The following ZFPM2 variants were observed in gnomAD, a reference collection of about 807,000 sequenced individuals.
ZFPM2 encodes the protein zinc finger protein ZFPM2.
ZFPM2 carries 20 observed loss-of-function variants against 98.6 expected under a neutral mutation model. That is an observed-to-expected ratio of 0.20 (90% CI 0.14 to 0.29). ZFPM2 has a LOEUF of 0.29. ZFPM2 is among the 10% of genes least tolerant of loss of function. The pLI is 1.00. For synonymous variants in ZFPM2, 518 were observed against 502.7 expected (o/e 1.03, Z -0.41); for missense variants, 1,310 against 1,388.6 (o/e 0.94, Z 0.90).
At chr8:105,394,255 G>T (rs1462456146) in intron 1 of ZFPM2, among the ~76,000 whole-genome samples, 1 of 152,146 alleles carries the variant, frequency 6.6e-6, no homozygotes, top group Non-Finnish European at 1.5e-5. Context: ...GGGGAGTTTG[G>T]ATGGGAGCAA....
chr8:105,589,296 G>A (rs1813005258), intron 4 of ZFPM2, among the ~76,000 whole-genome samples: 1 of 152,134 alleles, frequency 6.6e-6, no homozygotes, highest in African/African-American at 2.4e-5. Flanking sequence ...TTTTATCATA[G>A]ATCATCCAGA....
chr8:105,676,774 TAA>T (rs978085064), intron 5 of ZFPM2, among the ~76,000 whole-genome samples: 2 of 152,070 alleles, frequency 1.3e-5, no homozygotes, highest in Non-Finnish European at 2.9e-5. Flanking sequence ...CACTATGAAG[TAA>T]ATGTCTTAGT....
intron 1 of ZFPM2, among the ~76,000 whole-genome samples, chr8:105,416,326 T>A (rs1811679060): frequency 6.6e-6 from 1 of 151,678 alleles, no homozygotes; most frequent in South Asian, 2.1e-4. Flanking sequence ...TTTGTTGTCA[T>A]TGAATATTTA....
At chr8:105,583,998 T>C (rs1815658561) in intron 4 of ZFPM2, among the ~76,000 whole-genome samples, 1 of 152,216 alleles carries the variant, frequency 6.6e-6, no homozygotes, top group African/African-American at 2.4e-5. Context: ...ATTTTTCTGC[T>C]TTATTAAAAA....
At chr8:105,516,454 A>G (rs538828327) in intron 3 of ZFPM2, among the ~76,000 whole-genome samples, 53 of 152,270 alleles carry the variant, frequency 3.5e-4, no homozygotes, top group Non-Finnish European at 6.0e-4. Context: ...GTATTTGAAA[A>G]TTATGTTCTT....
At chr8:105,514,307 C>CTTTTTTTTTTTTTTTTTTTTTTTTT in intron 3 of ZFPM2, among the ~76,000 whole-genome samples, 1 of 127,546 alleles carries the variant, frequency 7.8e-6, no homozygotes, top group Non-Finnish European at 1.6e-5. Context: ...CTGGTCGTGT[C>CTTTTTTTTTTTTTTTTTTTTTTTTT]TTTTTTTTTT....
At chr8:105,776,724 TACTG>T (rs1360923618) in intron 5 of ZFPM2, among the ~76,000 whole-genome samples, 3 of 152,200 alleles carry the variant, frequency 2.0e-5, no homozygotes, top group African/African-American at 7.2e-5. Flanking sequence ...TGTTTGTAGC[TACTG>T]ACTATTTATA....
At chr8:105,503,805 A>G (rs1478311288) in intron 3 of ZFPM2, among the ~76,000 whole-genome samples, 2 of 152,226 alleles carry the variant, frequency 1.3e-5, no homozygotes, top group African/African-American at 4.8e-5. Flanking sequence ...AGAGGAGGAA[A>G]AGTGTTTTTA....
intron 5 of ZFPM2, among the ~76,000 whole-genome samples, chr8:105,730,626 T>G (rs762771546): frequency 6.6e-6 from 1 of 151,714 alleles, no homozygotes; most frequent in Non-Finnish European, 1.5e-5. Context: ...TTAACTCTCT[T>G]AATGCCTCTT....
chr8:105,489,448 T>TATA (rs1489973438), intron 3 of ZFPM2, among the ~76,000 whole-genome samples: 3 of 108,834 alleles, frequency 2.8e-5, no homozygotes, highest in African/African-American at 1.2e-4. Context: ...ATATATGTTT[T>TATA]TATATATATA....
chr8:105,745,659 C>G (rs1213792587), intron 5 of ZFPM2, among the ~76,000 whole-genome samples: 1 of 152,058 alleles, frequency 6.6e-6, no homozygotes, highest in Non-Finnish European at 1.5e-5. Flanking sequence ...TTAGAATTAT[C>G]ACCAGCTTTT....
At chr8:105,618,233 G>A (rs1816460783) in intron 4 of ZFPM2, among the ~76,000 whole-genome samples, 1 of 152,264 alleles carries the variant, frequency 6.6e-6, no homozygotes, top group South Asian at 2.1e-4. Flanking sequence ...TTCCTAAGGA[G>A]AGTCTCATTG....
intron 4 of ZFPM2, among the ~76,000 whole-genome samples, chr8:105,569,566 C>G (rs1815312724): frequency 6.6e-6 from 1 of 152,188 alleles, no homozygotes; most frequent in Non-Finnish European, 1.5e-5. Flanking sequence ...CAGTTTTTAT[C>G]TCATAAGGAG....
At chr8:105,762,425 G>C (rs185408524) in intron 5 of ZFPM2, among the ~76,000 whole-genome samples, 3 of 152,002 alleles carry the variant, frequency 2.0e-5, no homozygotes, top group Admixed American at 2.0e-4. Context: ...CAAGGGTCCT[G>C]ATTACAGGAG....
intron 3 of ZFPM2, among the ~76,000 whole-genome samples, chr8:105,549,546 CCTTCCTTCCTTCCTTT>C (rs1448741234): frequency 6.9e-5 from 9 of 130,150 alleles, no homozygotes; most frequent in African/African-American, 2.0e-4. Flanking sequence ...TTCCTTCCTT[CCTTCCTTCCTTCCTTT>C]CTTCCTTCCA....
intron 4 of ZFPM2, chr8:105,616,687 T>C: frequency 2.6e-6 from 1 of 387,274 alleles, no homozygotes; most frequent in Non-Finnish European, 5.1e-6. Flanking sequence ...AATAATAAGG[T>C]AACCAACGGA....
chr8:105,744,565 A>G (rs1285686599), intron 5 of ZFPM2, among the ~76,000 whole-genome samples: 4 of 152,138 alleles, frequency 2.6e-5, no homozygotes, highest in Non-Finnish European at 5.9e-5. Context: ...AGGAAAAATG[A>G]GTTTTTTTAA....
intron 5 of ZFPM2, among the ~76,000 whole-genome samples, chr8:105,696,592 G>A (rs375463443): frequency 7.5e-4 from 114 of 152,198 alleles, no homozygotes; most frequent in African/African-American, 2.5e-3. Flanking sequence ...GAGGATATGC[G>A]TAAAGAAACA....
intron 3 of ZFPM2, among the ~76,000 whole-genome samples, chr8:105,483,897 C>A (rs1813175423): frequency 6.6e-6 from 1 of 151,582 alleles, no homozygotes. Flanking sequence ...CCACGCCCGG[C>A]TAATTTTTTT....
Sources: gnomAD v4.1 joint callset for allele counts (sites outside exome capture counted in the v4.1 genomes callset) on GRCh38, gnomAD v4.1.1 for gene constraint, MANE v1.5 for transcripts, NCBI Gene and HGNC (gene_info 2026-07-23, HGNC 2026-07-21) for gene names.